The following KIFC3 variants were observed in gnomAD, a reference collection of about 807,000 sequenced individuals.
The protein encoded by KIFC3 is kinesin-like protein KIFC3.
In KIFC3, 60 loss-of-function variants were observed where a neutral mutation model predicts 101.8. That is an observed-to-expected ratio of 0.59 (90% confidence interval 0.48 to 0.73). The LOEUF (loss-of-function observed/expected upper bound fraction) is 0.73, where lower values mean the gene tolerates loss of function less well. KIFC3 is among the 30% of genes least tolerant of loss of function. The probability of loss-of-function intolerance (pLI) is 0.00; values close to 1 mark genes in which losing one functional copy is unlikely to be tolerated. For synonymous variants in KIFC3, 476 were observed against 482.7 expected, an observed-to-expected ratio of 0.99 and a Z score of 0.18; for missense variants, 966 against 1,137.1, an observed-to-expected ratio of 0.85 and a Z score of 2.16.
chr16:57,843,845 C>T (rs12926520), intron 1 of KIFC3, among the ~76,000 whole-genome samples: 8,755 of 152,248 alleles, frequency 0.058, 306 homozygotes, highest in African/African-American at 0.066. Flanking sequence ...TGGTGGCTCA[C>T]GCTCATAATC....
At chr16:57,768,536 C>CACACACACACACACAT (rs1555604749) in intron 9 of KIFC3, among the ~76,000 whole-genome samples, 1 of 151,786 alleles carries the variant, frequency 6.6e-6, no homozygotes. Context: ...CACACACACA[C>CACACACACACACACAT]GCACAATTGG....
At chr16:57,780,667 A>AT (rs1191334568) in intron 3 of KIFC3, among the ~76,000 whole-genome samples, 37,770 of 70,080 alleles carry the variant, frequency 0.54, 12,737 homozygotes, top group Non-Finnish European at 0.66. Context: ...CTGAAGACAA[A>AT]TTTTTTTTTT....
intron 3 of KIFC3, chr16:57,788,735 C>T (rs1229120117): frequency 1.6e-6 from 2 of 1,289,034 alleles, no homozygotes; most frequent in African/African-American, 1.5e-5. Context: ...CAACCAGAAT[C>T]CTCACGTGAA....
At chr16:57,833,217 T>A (rs1465212006) in intron 1 of KIFC3, among the ~76,000 whole-genome samples, 1 of 151,804 alleles carries the variant, frequency 6.6e-6, no homozygotes, top group African/African-American at 2.4e-5. Context: ...AATATATATA[T>A]ATATATATGC....
At chr16:57,771,097 C>A in intron 6 of KIFC3, 101 bp downstream of exon 6, 2 of 1,425,256 alleles carry the variant, frequency 1.4e-6, no homozygotes, top group Non-Finnish European at 9.7e-7. Flanking sequence ...CACCCACACA[C>A]ACCTACCTAT....
At chr16:57,790,078 C>CTTTCTTTCTTTTTTTTT (rs59016221) in intron 3 of KIFC3, among the ~76,000 whole-genome samples, 2 of 94,088 alleles carry the variant, frequency 2.1e-5, no homozygotes, top group Non-Finnish European at 3.9e-5. Context: ...TTCTTTCTTT[C>CTTTCTTTCTTTTTTTTT]TTTTTTTTTT....
chr16:57,853,595 A>G (rs1307849379), intron 1 of KIFC3, among the ~76,000 whole-genome samples: 3 of 152,126 alleles, frequency 2.0e-5, no homozygotes, highest in Non-Finnish European at 4.4e-5. Context: ...ACACCAACTA[A>G]AAGAATTTTT....
intron 7 of KIFC3, 117 bp downstream of exon 7, chr16:57,770,410 G>C: frequency 2.1e-6 from 2 of 938,850 alleles, no homozygotes; most frequent in South Asian, 5.4e-5. Context: ...GGCCATCGGG[G>C]AGAGGAGGGA....
intron 3 of KIFC3, chr16:57,775,813 C>G: frequency 1.7e-5 from 17 of 985,538 alleles, no homozygotes; most frequent in Non-Finnish European, 2.0e-5. Flanking sequence ...GGTCCCAGGA[C>G]AGCATGGACG....
Position 57,815,514 on chromosome 16 carries a change from C to T in KIFC3, c.109-17232G>A, listed in dbSNP as rs1056741771. On this transcript the variant is annotated intron_variant, in intron 1 of 2. Coordinates refer to the KIFC3 transcript ENST00000563028. ...CCTGGCTGATCTGGGACCACATCAG[C>T]ACCTGGCCTGACTCTTCTACCAGGA... 1.0e-5 allele frequency: 13 copies of T among 1,277,268 alleles called. No homozygotes were observed. In the Admixed American group the frequency reaches 2.8e-4, roughly 28 times the overall value. The allele number at this position is 1,277,268 out of a possible 1,614,324, so 79.1% of individuals were successfully genotyped here.
At chr16:57,803,422 T>C (rs1244476305), upstream of KIFC3, 31 of 502,434 alleles carry the variant, frequency 6.2e-5, no homozygotes, top group Admixed American at 7.1e-4. Flanking sequence ...CAAGTCACTC[T>C]GAAGCCAGCC....
At position 57,760,659 on chromosome 16, in the gene KIFC3, C is replaced by T. The variant is rs2049735425; in HGVS notation, c.2232+67G>A. On this transcript the variant is annotated intron_variant, in intron 16 of 19. Coordinates refer to ENST00000445690, the MANE Select transcript of KIFC3 (RefSeq NM_001130100.2). ...GGTCCATTTGCACAGCCTGGGGTGACTGGGTCTCACTGCTAGCGTAGCCCC... is the reference window on the plus strand; with the variant it reads ...GGTCCATTTGCACAGCCTGGGGTGATTGGGTCTCACTGCTAGCGTAGCCCC... 2.8e-6 allele frequency: 4 copies of T among 1,412,946 alleles called. No individual in the cohort carries two copies. In the Admixed American group the frequency reaches 5.1e-5, roughly 18 times the overall value. 87.5% of individuals were successfully genotyped at this position (1,412,946 alleles called of 1,614,324 possible). A position where few individuals can be genotyped will look rare whatever the true frequency, so the allele number is the denominator to read the frequency against.
upstream of KIFC3, chr16:57,802,648 G>GCAGTCC: frequency 9.8e-7 from 1 of 1,020,612 alleles, no homozygotes; most frequent in Non-Finnish European, 1.2e-6. The surrounding 1 kb of genome is among the most constrained non-coding windows in gnomAD (Gnocchi z 5.0). Flanking sequence ...TCTCCCGCCG[G>GCAGTCC]CACTCCCACT....
chr16:57,817,291 A>G (rs2055249829), intron 1 of KIFC3, among the ~76,000 whole-genome samples: 1 of 151,922 alleles, frequency 6.6e-6, no homozygotes, highest in South Asian at 2.1e-4. Context: ...CCCAGGAGGT[A>G]GAGGTTGCAA....
At position 57,759,799 on chromosome 16, in the gene KIFC3, C is replaced by T. The variant is rs369576344; in HGVS notation, c.2405G>A (p.Arg802Gln). Reference sequence around the variant, plus strand: ...CCCAGAGCTGGGGGCTGAGTGGGCCCGTGCCGAGGGCTGTGGCGTCTGACA... The same window carrying T: ...CCCAGAGCTGGGGGCTGAGTGGGCCTGTGCCGAGGGCTGTGGCGTCTGACA... ...PACQTPQPSA[R>Q]AHSAPSSGTS... Residue 802 changes from arginine to glutamine, a missense_variant, in exon 18 of 20, where the codon CGG becomes CAG. Physicochemically the swap from Arg to Gln is conservative, Grantham distance 43. Transcript: ENST00000445690. 1.2e-5 allele frequency: 19 copies of T among 1,610,566 alleles called. No individual in the cohort carries two copies. The highest frequency in any genetic ancestry group is 6.7e-5 in the Admixed American group (4 of 59,534).
intron 3 of KIFC3, among the ~76,000 whole-genome samples, chr16:57,790,603 T>C (rs574394383): frequency 6.6e-6 from 1 of 152,262 alleles, no homozygotes; most frequent in South Asian, 2.1e-4. Context: ...GCAAGTTGCT[T>C]ACCTTCTTGA....
At chr16:57,784,267 TAG>T (rs2053082292) in intron 3 of KIFC3, among the ~76,000 whole-genome samples, 1 of 152,092 alleles carries the variant, frequency 6.6e-6, no homozygotes, top group Admixed American at 6.5e-5. Flanking sequence ...AGGGCTAGCC[TAG>T]AGGAGTCCCC....
chr16:57,780,817 G>A (rs1555614154), intron 3 of KIFC3, among the ~76,000 whole-genome samples: 1 of 151,458 alleles, frequency 6.6e-6, no homozygotes, highest in Non-Finnish European at 1.5e-5. Flanking sequence ...TGGACTTACA[G>A]GTGTGCACCA....
chr16:57,827,464 C>T (rs544764441), intron 1 of KIFC3, among the ~76,000 whole-genome samples: 1 of 152,238 alleles, frequency 6.6e-6, no homozygotes, highest in Non-Finnish European at 1.5e-5. Context: ...AGAGAGCCAG[C>T]CCATGCCTGG....
Sources: gnomAD v4.1 joint callset for allele counts (sites outside exome capture counted in the v4.1 genomes callset) on GRCh38, gnomAD v4.1.1 for gene constraint, Gnocchi (gnomAD v3.1) non-coding constraint, MANE v1.5 for transcripts, NCBI Gene and HGNC (gene_info 2026-07-23, HGNC 2026-07-21) for gene names.